Variants in SPAG16 observed in about 807,000 individuals in gnomAD.
The protein encoded by SPAG16 is sperm associated antigen 16.
SPAG16 carries 86 observed loss-of-function variants against 80.4 expected under a neutral mutation model. The observed-to-expected ratio is 1.07, with a 90% CI of 0.90 to 1.28. SPAG16 has a LOEUF of 1.28. SPAG16 is among the 50% of genes most tolerant of loss of function. The probability of loss-of-function intolerance (pLI) is 0.00; values close to 1 mark genes in which losing one functional copy is unlikely to be tolerated. For synonymous variants in SPAG16, 294 were observed against 265.9 expected (o/e 1.11, Z -1.03); for missense variants, 870 against 765.3 (o/e 1.14, Z -1.61).
At chr2:214,217,641 C>T (rs2058465395) in intron 15 of SPAG16, among the ~76,000 whole-genome samples, 1 of 152,352 alleles carries the variant, frequency 6.6e-6, no homozygotes, top group East Asian at 1.9e-4. Context: ...ACACTTTCCA[C>T]ATGCTAAAAG....
intron 12 of SPAG16, among the ~76,000 whole-genome samples, chr2:213,968,412 T>TGAACTCCTGACCTC (rs1290410707): frequency 6.6e-6 from 1 of 152,162 alleles, no homozygotes; most frequent in African/African-American, 2.4e-5. Context: ...AGCCTGGTCT[T>TGAACTCCTGACCTC]GAACTCCTGA....
intron 10 of SPAG16, among the ~76,000 whole-genome samples, chr2:213,589,586 T>C (rs913898840): frequency 3.9e-5 from 6 of 152,140 alleles, no homozygotes; most frequent in Non-Finnish European, 8.8e-5. Flanking sequence ...ACTCCCATCA[T>C]GTCTTCCCTA....
At chr2:213,422,065 A>G in intron 9 of SPAG16, 1 of 610,978 alleles carries the variant, frequency 1.6e-6, no homozygotes. Context: ...CTCGGGACCC[A>G]CTAACTGGTA....
intron 15 of SPAG16, among the ~76,000 whole-genome samples, chr2:214,208,719 A>C (rs1297369713): frequency 6.6e-6 from 1 of 152,130 alleles, no homozygotes. Flanking sequence ...AGTAGGATAT[A>C]AATAACTCCC....
At chr2:214,269,590 T>A (rs1691840162) in intron 15 of SPAG16, among the ~76,000 whole-genome samples, 1 of 152,146 alleles carries the variant, frequency 6.6e-6, no homozygotes, top group Non-Finnish European at 1.5e-5. Context: ...TCAAAACTAT[T>A]TCAATCCACT....
chr2:213,979,880 G>T (rs189142114), intron 12 of SPAG16, among the ~76,000 whole-genome samples: 2 of 151,916 alleles, frequency 1.3e-5, no homozygotes, highest in Non-Finnish European at 2.9e-5. Context: ...TTTTGAAATT[G>T]TCTATCTTTG....
intron 1 of SPAG16, among the ~76,000 whole-genome samples, chr2:213,288,093 T>G (rs2062121215): frequency 1.3e-5 from 2 of 152,120 alleles, no homozygotes; most frequent in African/African-American, 4.8e-5. Context: ...TTGTTTTTGT[T>G]TTTGGTAGAG....
intron 10 of SPAG16, among the ~76,000 whole-genome samples, chr2:213,742,808 C>T (rs2067630182): frequency 6.6e-6 from 1 of 152,160 alleles, no homozygotes; most frequent in Non-Finnish European, 1.5e-5. Context: ...CCGTCTCGGC[C>T]TTCCAAGTAA....
chr2:213,300,328 A>C (rs2062687585), intron 3 of SPAG16, among the ~76,000 whole-genome samples: 1 of 151,984 alleles, frequency 6.6e-6, no homozygotes, highest in Non-Finnish European at 1.5e-5. Flanking sequence ...ATTTCTTTGG[A>C]ATAATTAACT....
At chr2:213,928,141 A>G (rs1318273516) in intron 11 of SPAG16, among the ~76,000 whole-genome samples, 1 of 152,090 alleles carries the variant, frequency 6.6e-6, no homozygotes, top group Non-Finnish European at 1.5e-5. Flanking sequence ...GCTGGAGTGC[A>G]GTGGCATGAT....
At chr2:213,789,079 A>C (rs1362101381) in intron 10 of SPAG16, among the ~76,000 whole-genome samples, 1 of 151,968 alleles carries the variant, frequency 6.6e-6, no homozygotes, top group East Asian at 1.9e-4. Flanking sequence ...GAATGCAAAT[A>C]ATTTGGAAGA....
chr2:214,316,094 G>A (rs72952034), intron 15 of SPAG16, among the ~76,000 whole-genome samples: 3,498 of 151,284 alleles, frequency 0.023, 95 homozygotes, highest in Non-Finnish European at 0.03. Context: ...TATTACAGGA[G>A]CCTTGGGTCA....
At chr2:214,215,496 G>C (rs1328372721) in intron 15 of SPAG16, among the ~76,000 whole-genome samples, 1 of 152,044 alleles carries the variant, frequency 6.6e-6, no homozygotes, top group Admixed American at 6.5e-5. Flanking sequence ...CTTCTCCCCA[G>C]TGCAACATTA....
At chr2:214,157,869 A>G (rs943039418) in intron 15 of SPAG16, among the ~76,000 whole-genome samples, 1 of 152,164 alleles carries the variant, frequency 6.6e-6, no homozygotes, top group African/African-American at 2.4e-5. Flanking sequence ...TGCACAAATT[A>G]TGAATCCTCC....
rs116371438 is a variant in SPAG16 at position 213,796,297 on chromosome 2, G to A, written c.1071-66188G>A. On this transcript the variant is annotated intron_variant, in intron 10 of 15. Coordinates refer to ENST00000331683, the MANE Select transcript of SPAG16 (RefSeq NM_024532.5). The stretch of plus-strand genomic sequence containing the variant: ...TCTATTGCCATTACCCCCGAAAAAA[G>A]TCCATACCTATTCTGACTTTCAACC... Among the ~76,000 whole-genome samples, 982 of 152,054 alleles carry A rather than the reference G, an allele frequency of 6.5e-3. 12 individuals are homozygous for A. Among genetic ancestry groups the A allele is most frequent in the African/African-American group, 0.021 (888 of 41,492 alleles).
intron 10 of SPAG16, among the ~76,000 whole-genome samples, chr2:213,549,901 G>A (rs1282210718): frequency 1.3e-5 from 2 of 151,930 alleles, no homozygotes; most frequent in African/African-American, 4.8e-5. Flanking sequence ...TTTGAGGGAG[G>A]TGACATATCT....
intron 12 of SPAG16, among the ~76,000 whole-genome samples, chr2:213,995,076 T>C (rs2046454951): frequency 6.6e-6 from 1 of 152,230 alleles, no homozygotes; most frequent in African/African-American, 2.4e-5. Context: ...ATGAGGATGC[T>C]AGTTGAGAAG....
chr2:213,976,135 T>TACACACACACACAC (rs1553685174), intron 12 of SPAG16, among the ~76,000 whole-genome samples: 18 of 81,400 alleles, frequency 2.2e-4, no homozygotes, highest in African/African-American at 6.8e-4. Context: ...TATATATATA[T>TACACACACACACAC]ACACACACAC....
At chr2:213,782,038 C>G (rs951468924) in intron 10 of SPAG16, among the ~76,000 whole-genome samples, 4 of 152,106 alleles carry the variant, frequency 2.6e-5, no homozygotes, top group Non-Finnish European at 5.9e-5. Context: ...TGGAAACCTT[C>G]CTGCTTACTG....
Sources: gnomAD v4.1 joint callset for allele counts (sites outside exome capture counted in the v4.1 genomes callset) on GRCh38, gnomAD v4.1.1 for gene constraint, MANE v1.5 for transcripts, NCBI Gene and HGNC (gene_info 2026-07-23, HGNC 2026-07-21) for gene names.